Variants in CDH6 observed in about 807,000 individuals in gnomAD.
The protein encoded by CDH6 is cadherin-6.
In CDH6, 31 loss-of-function variants were observed where a neutral mutation model predicts 78.0. The observed-to-expected ratio is 0.40, with a 90% CI of 0.30 to 0.54. The LOEUF (loss-of-function observed/expected upper bound fraction) is 0.54. Among genes scored for constraint, CDH6 ranks in the 20% least tolerant of loss-of-function variants. The pLI, the probability that CDH6 is intolerant of heterozygous loss-of-function variation, is 0.56. For missense variants in CDH6, 724 were observed against 975.9 expected (o/e 0.74, Z 3.44); for synonymous variants, 376 against 368.8 (o/e 1.02, Z -0.23).
In CDH6 at chr5:31,297,491, A is replaced by T. The variant is rs986547969; in HGVS notation, c.643+83A>T. ...GAGCTAGCATATTTTTAATAAAAAT[A>T]ATCAATGTGATTGGATTTTCTTGCA... On this transcript the variant is annotated intron_variant, in intron 4 of 11. Transcript: ENST00000265071. The T allele has an allele frequency of 6.3e-5, 65 of 1,031,270 alleles. No homozygotes were observed. The African/African-American group carries it at 1.0e-3, about 16-fold the overall frequency. 63.9% of individuals were successfully genotyped at this position (1,031,270 alleles called of 1,614,324 possible).
chr5:31,254,550 T>C (rs1742000407), intron 1 of CDH6, among the ~76,000 whole-genome samples: 1 of 152,168 alleles, frequency 6.6e-6, no homozygotes, highest in Non-Finnish European at 1.5e-5. Context: ...TGAACAGAAA[T>C]GTCTTCCAAC....
chr5:31,205,876 T>C (rs1392554681), intron 1 of CDH6, among the ~76,000 whole-genome samples: 1 of 152,202 alleles, frequency 6.6e-6, no homozygotes, highest in African/African-American at 2.4e-5. Context: ...TTACAATATT[T>C]CAGGCATCAT....
intron 1 of CDH6, among the ~76,000 whole-genome samples, chr5:31,214,668 G>T (rs1337895660): frequency 6.6e-6 from 1 of 152,142 alleles, no homozygotes; most frequent in Non-Finnish European, 1.5e-5. Flanking sequence ...TTTACTGATT[G>T]CAGATAAATT....
At chr5:31,271,414 TA>T (rs1742527228) in intron 2 of CDH6, among the ~76,000 whole-genome samples, 2 of 152,300 alleles carry the variant, frequency 1.3e-5, no homozygotes, top group Admixed American at 1.3e-4. Flanking sequence ...TCCTCTGTCT[TA>T]ACCTTCCTCA....
chr5:31,272,500 A>G (rs529242301), intron 2 of CDH6, among the ~76,000 whole-genome samples: 2 of 152,344 alleles, frequency 1.3e-5, no homozygotes, highest in South Asian at 4.1e-4. Flanking sequence ...ATTGGTATAT[A>G]GTCTAAGATT....
intron 1 of CDH6, among the ~76,000 whole-genome samples, chr5:31,266,028 G>A (rs1270258710): frequency 6.6e-6 from 1 of 151,700 alleles, no homozygotes; most frequent in Non-Finnish European, 1.5e-5. Flanking sequence ...TGCCCACCTC[G>A]GCCTCCCAAA....
intron 1 of CDH6, among the ~76,000 whole-genome samples, chr5:31,243,695 C>A (rs1047514286): frequency 6.6e-6 from 1 of 152,186 alleles, no homozygotes; most frequent in Non-Finnish European, 1.5e-5. Flanking sequence ...AGACTCCAGG[C>A]AGGCTGACCC....
chr5:31,260,240 T>C (rs1430762030), intron 1 of CDH6, among the ~76,000 whole-genome samples: 1 of 152,238 alleles, frequency 6.6e-6, no homozygotes, highest in African/African-American at 2.4e-5. Flanking sequence ...GTACTATTAA[T>C]GTCATCCCAT....
chr5:31,309,307 A>G (rs757288852), intron 7 of CDH6, among the ~76,000 whole-genome samples: 1 of 152,190 alleles, frequency 6.6e-6, no homozygotes, highest in Non-Finnish European at 1.5e-5. Flanking sequence ...AATTTTATGA[A>G]GATAAAATAT....
intron 1 of CDH6, among the ~76,000 whole-genome samples, chr5:31,233,127 G>A (rs1283999739): frequency 6.6e-6 from 1 of 151,826 alleles, no homozygotes; most frequent in Non-Finnish European, 1.5e-5. Context: ...ACTTATATAT[G>A]CACATACGCC....
At chr5:31,260,808 A>G (rs925994027) in intron 1 of CDH6, among the ~76,000 whole-genome samples, 3 of 152,216 alleles carry the variant, frequency 2.0e-5, no homozygotes, top group Non-Finnish European at 2.9e-5. Flanking sequence ...CATTACACAC[A>G]CGAAACGGAA....
At chr5:31,211,621 T>C (rs977202246) in intron 1 of CDH6, among the ~76,000 whole-genome samples, 3 of 151,858 alleles carry the variant, frequency 2.0e-5, no homozygotes, top group Non-Finnish European at 4.4e-5. Flanking sequence ...TCTACATCTA[T>C]TATCTGGGTA....
chr5:31,316,750 T>C (rs1738336353), intron 9 of CDH6, among the ~76,000 whole-genome samples: 2 of 152,234 alleles, frequency 1.3e-5, no homozygotes, highest in South Asian at 4.1e-4. Flanking sequence ...TTTTACACAT[T>C]TGTCCCCACA....
intron 1 of CDH6, among the ~76,000 whole-genome samples, chr5:31,216,563 G>A (rs1740869402): frequency 6.6e-6 from 1 of 151,648 alleles, no homozygotes; most frequent in Middle Eastern, 3.4e-3. Flanking sequence ...CAACAGAGAT[G>A]TGTATGGCCC....
At chr5:31,200,238 AT>A (rs1420961361) in intron 1 of CDH6, among the ~76,000 whole-genome samples, 1 of 152,166 alleles carries the variant, frequency 6.6e-6, no homozygotes, top group Non-Finnish European at 1.5e-5. Context: ...AGAATAAATT[AT>A]CTTATCCTGC....
chr5:31,316,350 T>C (rs1738324260), intron 9 of CDH6, 21 bp downstream of exon 9: 3 of 1,598,790 alleles, frequency 1.9e-6, no homozygotes, highest in East Asian at 2.2e-5. Flanking sequence ...TTAAAAAGTA[T>C]ATTCAAGTTG....
chr5:31,215,037 T>C (rs1347736856), intron 1 of CDH6, among the ~76,000 whole-genome samples: 2 of 152,240 alleles, frequency 1.3e-5, no homozygotes, highest in East Asian at 1.9e-4. Flanking sequence ...TTTTGAATGA[T>C]GTGTATAATT....
chr5:31,230,153 A>G lies in CDH6; in HGVS notation c.-129+36267A>G, dbSNP rs139299345. Among the ~76,000 whole-genome samples the G allele has an allele frequency of 5.8e-3, 877 of 152,296 alleles. 9 individuals carry two copies. Among genetic ancestry groups the G allele is most frequent in the African/African-American group, 0.02 (852 of 41,564 alleles). On this transcript the variant is annotated intron_variant, in intron 1 of 11. Coordinates refer to ENST00000265071, the MANE Select transcript of CDH6 (RefSeq NM_004932.4). ...AGAGCCCTGAAGTCCCAATTTAGAC[A>G]CAGCAGTTAAGAAGTTGAGGGCCTC...
intron 2 of CDH6, among the ~76,000 whole-genome samples, chr5:31,269,885 G>GA (rs763494878): frequency 1.6e-4 from 24 of 150,906 alleles, no homozygotes; most frequent in African/African-American, 3.6e-4. Context: ...ATATTTGCTG[G>GA]AAAAAAAAAT....
Sources: allele counts gnomAD v4.1 joint callset (sites outside exome capture counted in the v4.1 genomes callset), GRCh38; gene constraint gnomAD v4.1.1; transcripts MANE v1.5; gene names NCBI Gene and HGNC (gene_info 2026-07-23, HGNC 2026-07-21).